NRXN3: variants seen among roughly 807,000 people sequenced by gnomAD.
NRXN3 encodes the protein neurexin III.
NRXN3 carries 32 observed loss-of-function variants against 137.6 expected under a neutral mutation model. The observed-to-expected ratio is 0.23, with a 90% CI of 0.18 to 0.31. The LOEUF is 0.31. Ranked by LOEUF, NRXN3 falls within the 10% of genes least tolerant of loss-of-function variation. The pLI, the probability that NRXN3 is intolerant of heterozygous loss-of-function variation, is 1.00. For missense variants in NRXN3, 1,574 were observed against 2,062.5 expected (o/e 0.76, Z 4.59); for synonymous variants, 798 against 784.5 (o/e 1.02, Z -0.29).
At chr14:78,596,757 A>G (rs997569096) in intron 4 of NRXN3, among the ~76,000 whole-genome samples, 1 of 151,842 alleles carries the variant, frequency 6.6e-6, no homozygotes, top group African/African-American at 2.4e-5. Flanking sequence ...CAGTTACTCA[A>G]CTCTCCTTTG....
intron 15 of NRXN3, among the ~76,000 whole-genome samples, chr14:79,030,662 T>C (rs1161898109): frequency 1.6e-5 from 2 of 122,328 alleles, no homozygotes; most frequent in East Asian, 2.7e-4. Flanking sequence ...TTTTTTTAGC[T>C]TTTCATTGTA....
intron 4 of NRXN3, among the ~76,000 whole-genome samples, chr14:78,603,435 G>A (rs901352840): frequency 3.9e-5 from 6 of 152,158 alleles, no homozygotes; most frequent in Admixed American, 6.5e-5. Context: ...CCCTTTGACC[G>A]TGCCACTTGT....
At chr14:79,154,342 A>C (rs762907594) in intron 15 of NRXN3, among the ~76,000 whole-genome samples, 1 of 151,982 alleles carries the variant, frequency 6.6e-6, no homozygotes, top group African/African-American at 2.4e-5. Flanking sequence ...CACAGAATTC[A>C]GTTGAGCTGA....
chr14:78,639,400 A>G (rs2097596243), intron 4 of NRXN3, among the ~76,000 whole-genome samples: 1 of 152,220 alleles, frequency 6.6e-6, no homozygotes, highest in South Asian at 2.1e-4. Flanking sequence ...TGTTCTTCAC[A>G]GGACCACTGG....
chr14:78,912,206 T>C lies in NRXN3; in HGVS notation c.2276-45036T>C, dbSNP rs537377055. Among the ~76,000 whole-genome samples, 31 of 151,478 alleles carry C rather than the reference T, an allele frequency of 2.0e-4. No homozygotes were observed. In the East Asian group the frequency reaches 5.4e-3, roughly 26 times the overall value. Reference sequence around the variant, plus strand: ...TGTTCTTGCGATAGTTTGCTGAGAATGATGGTTTCCAGCTTCATCCATGTC... The same window carrying C: ...TGTTCTTGCGATAGTTTGCTGAGAACGATGGTTTCCAGCTTCATCCATGTC... On this transcript the variant is annotated intron_variant, in intron 10 of 20. Transcript: ENST00000335750.
chr14:79,307,726 AT>A (rs1226894548), intron 15 of NRXN3, among the ~76,000 whole-genome samples: 1 of 152,016 alleles, frequency 6.6e-6, no homozygotes, highest in Admixed American at 6.6e-5. Flanking sequence ...TTTACCATAG[AT>A]TAGTGCAGTC....
At chr14:79,526,339 C>T (rs1382966881) in intron 16 of NRXN3, among the ~76,000 whole-genome samples, 1 of 152,142 alleles carries the variant, frequency 6.6e-6, no homozygotes, top group African/African-American at 2.4e-5. Flanking sequence ...GAGCTGCCAC[C>T]TGGCCCCATA....
chr14:78,902,154 G>T (rs1421026663), intron 10 of NRXN3, among the ~76,000 whole-genome samples: 2 of 151,304 alleles, frequency 1.3e-5, no homozygotes, highest in Admixed American at 6.6e-5. Context: ...ATTTGCAAAA[G>T]AATTCTGTTT....
At chr14:79,549,669 T>C (rs1250537555) in intron 16 of NRXN3, among the ~76,000 whole-genome samples, 1 of 152,052 alleles carries the variant, frequency 6.6e-6, no homozygotes, top group Non-Finnish European at 1.5e-5. Flanking sequence ...ACAGCCACAT[T>C]CACCATTAGA....
chr14:78,816,758 G>A (rs1447162857), intron 10 of NRXN3, among the ~76,000 whole-genome samples: 1 of 152,066 alleles, frequency 6.6e-6, no homozygotes, highest in Non-Finnish European at 1.5e-5. Context: ...GTTTTACAAA[G>A]TTATATTTCT....
At chr14:78,941,217 T>C (rs1176745742) in intron 10 of NRXN3, among the ~76,000 whole-genome samples, 1 of 152,122 alleles carries the variant, frequency 6.6e-6, no homozygotes, top group East Asian at 1.9e-4. Context: ...GAAAGTCAGG[T>C]TATTGAGACC....
At chr14:79,140,900 C>G (rs1477103454) in intron 15 of NRXN3, among the ~76,000 whole-genome samples, 1 of 151,930 alleles carries the variant, frequency 6.6e-6, no homozygotes, top group Admixed American at 6.6e-5. Context: ...CTTGTGTGTC[C>G]TGAATAAACA....
At chr14:78,981,690 T>G (rs947297454) in intron 14 of NRXN3, among the ~76,000 whole-genome samples, 14 of 152,224 alleles carry the variant, frequency 9.2e-5, no homozygotes, top group African/African-American at 3.4e-4. Context: ...TGGCTCATAA[T>G]AAGCACTAGG....
chr14:78,286,139 G>A (rs1338039258), intron 3 of NRXN3, among the ~76,000 whole-genome samples: 2 of 152,194 alleles, frequency 1.3e-5, no homozygotes, highest in Non-Finnish European at 2.9e-5. Context: ...CAGTTCTGGA[G>A]GGCAAGGCCA....
chr14:79,541,492 G>T (rs1160078971), intron 16 of NRXN3, among the ~76,000 whole-genome samples: 1 of 152,000 alleles, frequency 6.6e-6, no homozygotes, highest in Non-Finnish European at 1.5e-5. Flanking sequence ...ATTCCATCTT[G>T]CAAAGACTCT....
intron 4 of NRXN3, among the ~76,000 whole-genome samples, chr14:78,329,975 C>T (rs1035834897): frequency 3.9e-5 from 6 of 152,076 alleles, no homozygotes; most frequent in African/African-American, 9.7e-5. Context: ...ATTGCAGTTA[C>T]GAGCATCAAA....
chr14:78,241,515 G>C (rs1185329260), intron 1 of NRXN3, among the ~76,000 whole-genome samples: 1 of 152,106 alleles, frequency 6.6e-6, no homozygotes, highest in Non-Finnish European at 1.5e-5. Flanking sequence ...AGCTACTTGG[G>C]AGGCTGAGGC....
Position 79,429,768 on chromosome 14 carries a change from C to T in NRXN3, c.3263-37453C>T, listed in dbSNP as rs2095715578. Among the ~76,000 whole-genome samples, 3 of 152,266 alleles carry T rather than the reference C, an allele frequency of 2.0e-5. No individual in the cohort carries two copies. In the South Asian group the frequency reaches 6.2e-4, roughly 32 times the overall value. On this transcript the variant is annotated intron_variant, in intron 15 of 20. Coordinates refer to ENST00000335750, the MANE Select transcript of NRXN3 (RefSeq NM_001330195.2). ...AAGAAACAACCAGAAAACACTTTCC[C>T]TACTTACAGTGAAATAAGTGAGTAT...
intron 10 of NRXN3, among the ~76,000 whole-genome samples, chr14:78,858,672 G>C (rs1192501673): frequency 6.6e-6 from 1 of 152,164 alleles, no homozygotes; most frequent in Non-Finnish European, 1.5e-5. Flanking sequence ...ACTTCAGATA[G>C]GATTTGACGT....
Sources: allele counts gnomAD v4.1 joint callset (sites outside exome capture counted in the v4.1 genomes callset), GRCh38; gene constraint gnomAD v4.1.1; transcripts MANE v1.5; gene names NCBI Gene and HGNC (gene_info 2026-07-23, HGNC 2026-07-21).